SCD5: variants seen among roughly 807,000 people sequenced by gnomAD.
SCD5 encodes stearoyl-CoA desaturase 5.
Under a neutral mutation model 30.4 loss-of-function variants are expected in SCD5, and 20 were observed. That is an observed-to-expected ratio of 0.66 (90% CI 0.46 to 0.96). The LOEUF (loss-of-function observed/expected upper bound fraction) is 0.96, where lower values mean the gene tolerates loss of function less well. Ranked by LOEUF, SCD5 falls within the 40% of genes least tolerant of loss-of-function variation. The probability of loss-of-function intolerance (pLI) is 0.00; values close to 1 mark genes in which losing one functional copy is unlikely to be tolerated. For missense variants in SCD5, 381 were observed against 443.3 expected (o/e 0.86, Z 1.26); for synonymous variants, 173 against 176.4 (o/e 0.98, Z 0.16).
At chr4:82,754,158 T>C (rs1307960503) in intron 1 of SCD5, among the ~76,000 whole-genome samples, 1 of 152,118 alleles carries the variant, frequency 6.6e-6, no homozygotes, top group Non-Finnish European at 1.5e-5. Flanking sequence ...CTCCCCGTTT[T>C]GCAGGAGTTA....
At chr4:82,692,492 T>A (rs533552113) in intron 2 of SCD5, 12 of 152,554 alleles carry the variant, frequency 7.9e-5, no homozygotes, top group African/African-American at 2.9e-4. Flanking sequence ...AGGAAAAAGA[T>A]GTGTGACTGC....
In SCD5 at chr4:82,784,318, G is replaced by A. The variant is rs139179128; in HGVS notation, c.232+13988C>T. Among the ~76,000 whole-genome samples, 400 of 152,244 alleles carry A rather than the reference G, an allele frequency of 2.6e-3. 1 individual carries two copies. The highest frequency in any genetic ancestry group is 8.3e-3 in the African/African-American group (343 of 41,552). On this transcript the variant is annotated intron_variant, in intron 1 of 4. Coordinates refer to ENST00000319540, the MANE Select transcript of SCD5 (RefSeq NM_001037582.3). ...AGTGACGCTGACCCCAGGCTAGCCC[G>A]AGAACCTAGACACAATATACAGCCT...
Position 82,705,306 on chromosome 4 carries a change from C to T in SCD5, c.340G>A (p.Val114Ile), listed in dbSNP as rs1322835792. 6.2e-7 allele frequency: 1 copy of T among 1,614,238 alleles called. No individual in the cohort carries two copies. Among genetic ancestry groups the T allele is most frequent in the South Asian group, 1.1e-5 (1 of 91,086 alleles). ...AKLPLRIFLA[V>I]ANSMAFQNDI... ...ACCTGGAAAGCCATGGAGTTGGCGACAGCCAGAAATATCCTCAGAGGCAGC... is the reference window on the plus strand; with the variant it reads ...ACCTGGAAAGCCATGGAGTTGGCGATAGCCAGAAATATCCTCAGAGGCAGC... Residue 114 changes from valine to isoleucine, a missense_variant, in exon 2 of 5, where the codon GTC becomes ATC. Physicochemically the swap from Val to Ile is conservative, Grantham distance 29 (BLOSUM62 3). Coordinates refer to ENST00000319540, the MANE Select transcript of SCD5 (RefSeq NM_001037582.3).
intron 1 of SCD5, among the ~76,000 whole-genome samples, chr4:82,712,297 T>TATATATACATATATA (rs1560540874): frequency 5.9e-5 from 2 of 33,750 alleles, no homozygotes; most frequent in Admixed American, 3.7e-4. Context: ...TATATATATA[T>TATATATACATATATA]TTTATTTTTA....
chr4:82,677,851 A>G (rs1728469132), intron 3 of SCD5, among the ~76,000 whole-genome samples: 2 of 152,000 alleles, frequency 1.3e-5, no homozygotes, highest in Admixed American at 1.3e-4. Flanking sequence ...ACACACACTC[A>G]CATATTAGGA....
At chr4:82,791,187 GAGATCGTGCCA>G (rs1722093153) in intron 1 of SCD5, among the ~76,000 whole-genome samples, 1 of 151,962 alleles carries the variant, frequency 6.6e-6, no homozygotes, top group Non-Finnish European at 1.5e-5. Context: ...GCAGTGACCC[GAGATCGTGCCA>G]CTGCACTCCA....
At chr4:82,762,120 G>A (rs1721386323) in intron 1 of SCD5, among the ~76,000 whole-genome samples, 1 of 143,704 alleles carries the variant, frequency 7.0e-6, no homozygotes, top group Admixed American at 7.0e-5. Flanking sequence ...GCTGCAGTGA[G>A]CCAAGATCAC....
intron 1 of SCD5, among the ~76,000 whole-genome samples, chr4:82,757,746 G>A (rs1235597365): frequency 6.6e-6 from 1 of 152,128 alleles, no homozygotes; most frequent in Admixed American, 6.5e-5. Flanking sequence ...CTCCATCAGA[G>A]GTATTGTGAA....
intron 1 of SCD5, among the ~76,000 whole-genome samples, chr4:82,741,562 T>C (rs760005310): frequency 3.3e-5 from 5 of 152,082 alleles, no homozygotes; most frequent in South Asian, 2.1e-4. Context: ...TCATGAGAAA[T>C]AGTCTATCGA....
At chr4:82,790,472 T>A (rs1184268847) in intron 1 of SCD5, among the ~76,000 whole-genome samples, 1 of 152,170 alleles carries the variant, frequency 6.6e-6, no homozygotes, top group Non-Finnish European at 1.5e-5. Flanking sequence ...TCAGGACCTT[T>A]GCTCAGGTTG....
intron 1 of SCD5, among the ~76,000 whole-genome samples, chr4:82,747,106 G>A (rs1721012501): frequency 7.1e-6 from 1 of 140,622 alleles, no homozygotes; most frequent in African/African-American, 2.5e-5. Flanking sequence ...TCCATCCCCT[G>A]CTTCTGGCTC....
At chr4:82,679,237 A>AAAGAGAGAAAGAAAGAAAGAAAGG (rs1728506566) in intron 3 of SCD5, among the ~76,000 whole-genome samples, 1 of 103,208 alleles carries the variant, frequency 9.7e-6, no homozygotes, top group African/African-American at 3.6e-5. Flanking sequence ...AGAAAGAAAG[A>AAAGAGAGAAAGAAAGAAAGAAAGG]AAGAAAGAAA....
chr4:82,731,031 A>G (rs1207303541), intron 1 of SCD5, among the ~76,000 whole-genome samples: 1 of 152,148 alleles, frequency 6.6e-6, no homozygotes, highest in Non-Finnish European at 1.5e-5. Flanking sequence ...ACCCATCAAC[A>G]ACCATTCGGA....
At chr4:82,719,693 C>T (rs6817565) in intron 1 of SCD5, among the ~76,000 whole-genome samples, 88,883 of 150,408 alleles carry the variant, frequency 0.59, 28,171 homozygotes, top group African/African-American at 0.82. Context: ...TTAGTAGAGA[C>T]GGGGCTTCAC....
intron 1 of SCD5, among the ~76,000 whole-genome samples, chr4:82,731,537 C>T (rs1560546811): frequency 6.6e-6 from 1 of 152,240 alleles, no homozygotes; most frequent in Non-Finnish European, 1.5e-5. Flanking sequence ...GAGCATAAAC[C>T]AGATCCAGGG....
At chr4:82,639,756 G>A (rs1727503669) in intron 3 of SCD5, among the ~76,000 whole-genome samples, 1 of 152,212 alleles carries the variant, frequency 6.6e-6, no homozygotes, top group South Asian at 2.1e-4. Flanking sequence ...CCTCTAAGGA[G>A]GAAAGCAAAC....
intron 2 of SCD5, among the ~76,000 whole-genome samples, chr4:82,682,821 T>C (rs1728606900): frequency 6.6e-6 from 1 of 152,134 alleles, no homozygotes; most frequent in Non-Finnish European, 1.5e-5. Context: ...GCTAATTTTT[T>C]GTTTTTCTTT....
At chr4:82,727,225 G>C (rs1720521935) in intron 1 of SCD5, among the ~76,000 whole-genome samples, 1 of 152,174 alleles carries the variant, frequency 6.6e-6, no homozygotes, top group African/African-American at 2.4e-5. Flanking sequence ...GATATGCAGT[G>C]GACAAGGCCT....
chr4:82,664,999 C>CTCTCTCTATA (rs1219554314), intron 3 of SCD5, among the ~76,000 whole-genome samples: 76 of 70,486 alleles, frequency 1.1e-3, no homozygotes, highest in Admixed American at 1.7e-3. Flanking sequence ...CTCTCTCTCT[C>CTCTCTCTATA]TATATATATA....
Sources: gnomAD v4.1 joint callset for allele counts (sites outside exome capture counted in the v4.1 genomes callset) on GRCh38, gnomAD v4.1.1 for gene constraint, MANE v1.5 for transcripts, NCBI Gene and HGNC (gene_info 2026-07-23, HGNC 2026-07-21) for gene names.